Variants in SLX4IP observed in about 807,000 individuals in gnomAD.
SLX4IP encodes SLX4 interacting protein.
Under a neutral mutation model 32.9 loss-of-function variants are expected in SLX4IP, and 34 were observed. The ratio of observed to expected loss-of-function variants is 1.03; its 90% confidence interval spans 0.79 to 1.38. SLX4IP has a LOEUF of 1.38. Ranked by LOEUF, SLX4IP falls within the 40% of genes most tolerant of loss-of-function variation. SLX4IP has a pLI of 0.00. For synonymous variants in SLX4IP, 172 were observed against 171.7 expected, an observed-to-expected ratio of 1.00 and a Z score of -0.01; for missense variants, 444 against 479.0, an observed-to-expected ratio of 0.93 and a Z score of 0.68.
intron 2 of SLX4IP, among the ~76,000 whole-genome samples, chr20:10,506,840 C>T (rs1052741474): frequency 5.3e-5 from 8 of 152,130 alleles, no homozygotes; most frequent in African/African-American, 1.7e-4. Flanking sequence ...GGTGTGGGAA[C>T]GGACAGGCTG....
intron 1 of SLX4IP, among the ~76,000 whole-genome samples, chr20:10,444,470 C>T (rs939847877): frequency 5.9e-5 from 9 of 152,130 alleles, no homozygotes; most frequent in Middle Eastern, 3.4e-3. Flanking sequence ...CTCTGCCTCC[C>T]GGGTTCAAGT....
At chr20:10,461,055 T>G (rs774190453) in intron 2 of SLX4IP, among the ~76,000 whole-genome samples, 4 of 152,222 alleles carry the variant, frequency 2.6e-5, no homozygotes, top group Non-Finnish European at 4.4e-5. Flanking sequence ...GTTCTCTTCT[T>G]ATAGAGAACT....
chr20:10,495,895 T>C (rs548346765), intron 2 of SLX4IP, among the ~76,000 whole-genome samples: 19 of 152,204 alleles, frequency 1.2e-4, no homozygotes, highest in Admixed American at 1.2e-3. Flanking sequence ...TTTTTTTTGT[T>C]GTTGTTATTA....
At chr20:10,559,021 A>T (rs1321647598) in intron 3 of SLX4IP, among the ~76,000 whole-genome samples, 1 of 152,172 alleles carries the variant, frequency 6.6e-6, no homozygotes, top group Non-Finnish European at 1.5e-5. Context: ...TAGGGCATTT[A>T]TAGCCAAATT....
At chr20:10,457,835 T>C (rs780324324) in intron 1 of SLX4IP, among the ~76,000 whole-genome samples, 51 of 151,720 alleles carry the variant, frequency 3.4e-4, no homozygotes, top group Non-Finnish European at 6.3e-4. Context: ...CCTGTGCTTT[T>C]CTCTCTTTTT....
chr20:10,599,499 A>G (rs1253060428), intron 5 of SLX4IP, among the ~76,000 whole-genome samples: 3 of 150,538 alleles, frequency 2.0e-5, no homozygotes, highest in South Asian at 2.1e-4. Context: ...TGGTGCAATC[A>G]TGGCTCACTG....
At chr20:10,613,328 G>A in intron 6 of SLX4IP, 3 of 879,302 alleles carry the variant, frequency 3.4e-6, no homozygotes, top group South Asian at 1.5e-5. Context: ...AGGCTGGAAA[G>A]ACACCTTTTC....
At chr20:10,446,582 C>T (rs1316233725) in intron 1 of SLX4IP, among the ~76,000 whole-genome samples, 1 of 152,022 alleles carries the variant, frequency 6.6e-6, no homozygotes, top group Non-Finnish European at 1.5e-5. Context: ...CTTTTACAGT[C>T]CCACCAGTGA....
intron 2 of SLX4IP, among the ~76,000 whole-genome samples, chr20:10,530,803 G>GAA (rs538756772): frequency 1.3e-5 from 2 of 149,302 alleles, no homozygotes; most frequent in African/African-American, 4.9e-5. Flanking sequence ...CTCTAAGGTA[G>GAA]AAAAAAAAAA....
chr20:10,462,737 C>T (rs577512910), intron 2 of SLX4IP, among the ~76,000 whole-genome samples: 26 of 152,236 alleles, frequency 1.7e-4, no homozygotes, highest in African/African-American at 5.8e-4. Flanking sequence ...CAGATGAGGG[C>T]CTAACCAAAT....
intron 1 of SLX4IP, among the ~76,000 whole-genome samples, chr20:10,437,665 G>C (rs1030493893): frequency 3.9e-5 from 6 of 152,126 alleles, no homozygotes; most frequent in African/African-American, 9.7e-5. Context: ...TCTATTAATT[G>C]GGAAAAGAAA....
intron 2 of SLX4IP, among the ~76,000 whole-genome samples, chr20:10,504,351 GCA>G (rs1213055016): frequency 6.6e-6 from 1 of 152,162 alleles, no homozygotes; most frequent in Non-Finnish European, 1.5e-5. Flanking sequence ...CCACCCTCCT[GCA>G]GATGTAGCTC....
chr20:10,445,311 C>CTTTTTTTTTTT (rs36058168), intron 1 of SLX4IP, among the ~76,000 whole-genome samples: 40 of 90,178 alleles, frequency 4.4e-4, no homozygotes, highest in African/African-American at 5.8e-4. Flanking sequence ...TTTTTTCTTT[C>CTTTTTTTTTTT]TTTTTTTTTT....
rs559736179 is a variant in SLX4IP at position 10,524,029 on chromosome 20, C to T, written c.28-32202C>T. Among the ~76,000 whole-genome samples the T allele has an allele frequency of 2.6e-5, 4 of 152,338 alleles. No homozygotes were observed. The South Asian group carries it at 8.3e-4, about 32-fold the overall frequency. On this transcript the variant is annotated intron_variant, in intron 2 of 7. Transcript: ENST00000334534. ...AGGGCTGGCTGGTCGAACGTAAGAG[C>T]CTTCCTGGCTGGCTGGGGGACCAGC...
At chr20:10,474,781 A>C (rs225151) in intron 2 of SLX4IP, among the ~76,000 whole-genome samples, 17,896 of 152,162 alleles carry the variant, frequency 0.12, 3,475 homozygotes, top group African/African-American at 0.41. Flanking sequence ...CTGCTGAATC[A>C]GAGGTGTTGG....
At chr20:10,507,391 TG>T (rs2065768596) in intron 2 of SLX4IP, among the ~76,000 whole-genome samples, 1 of 151,324 alleles carries the variant, frequency 6.6e-6, no homozygotes, top group South Asian at 2.1e-4. Context: ...GTGGGAAAGG[TG>T]GGAAGAGATT....
chr20:10,598,588 G>T lies in SLX4IP; in HGVS notation c.239-87G>T. On this transcript the variant is annotated intron_variant, in intron 4 of 7. Coordinates refer to ENST00000334534, the MANE Select transcript of SLX4IP (RefSeq NM_001009608.3). ...TTCATTTGCTAAATAACTATTGAATGTGTCTTTTATGGCAGGCACTGGGCT... is the reference window on the plus strand; with the variant it reads ...TTCATTTGCTAAATAACTATTGAATTTGTCTTTTATGGCAGGCACTGGGCT... 9 of 1,184,348 alleles carry T rather than the reference G, an allele frequency of 7.6e-6. 1 individual carries two copies. Among genetic ancestry groups the T allele is most frequent in the South Asian group, 6.2e-5 (5 of 81,102 alleles). 73.4% of individuals were successfully genotyped at this position (1,184,348 alleles called of 1,614,324 possible). A position where few individuals can be genotyped will look rare whatever the true frequency, so the allele number is the denominator to read the frequency against.
In SLX4IP at chr20:10,540,530, T is replaced by C. The variant is rs2066095084; in HGVS notation, c.28-15701T>C. On this transcript the variant is annotated intron_variant, in intron 2 of 7. Coordinates refer to ENST00000334534, the MANE Select transcript of SLX4IP (RefSeq NM_001009608.3). ...TTTATAAGGCTTAATTGCTAATGTGTAGGTAGCAGCTGATACAGACTTGTC... is the reference window on the plus strand; with the variant it reads ...TTTATAAGGCTTAATTGCTAATGTGCAGGTAGCAGCTGATACAGACTTGTC... 2.6e-5 allele frequency among the ~76,000 whole-genome samples: 4 copies of C among 152,208 alleles called. No homozygotes were observed. The South Asian group carries it at 8.3e-4, about 32-fold the overall frequency.
intron 2 of SLX4IP, among the ~76,000 whole-genome samples, chr20:10,474,659 AGCCTCTCCACTTCC>A (rs2122369282): frequency 6.6e-6 from 1 of 152,266 alleles, no homozygotes; most frequent in African/African-American, 2.4e-5. Context: ...CTGGGGCTGG[AGCCTCTCCACTTCC>A]GCCGGCCGCC....
Sources: allele counts gnomAD v4.1 joint callset (sites outside exome capture counted in the v4.1 genomes callset), GRCh38; gene constraint gnomAD v4.1.1; transcripts MANE v1.5; gene names NCBI Gene and HGNC (gene_info 2026-07-23, HGNC 2026-07-21).